Variants in SGSM1 observed in about 807,000 individuals in gnomAD.
SGSM1 encodes small G protein signaling modulator 1.
In SGSM1, 73 loss-of-function variants were observed where a neutral mutation model predicts 133.8. The observed-to-expected ratio is 0.55, with a 90% CI of 0.45 to 0.66. SGSM1 has a LOEUF of 0.66. Among genes scored for constraint, SGSM1 ranks in the 30% least tolerant of loss-of-function variants. The probability of loss-of-function intolerance (pLI) is 0.00; values close to 1 mark genes in which losing one functional copy is unlikely to be tolerated. For missense variants in SGSM1, 1,213 were observed against 1,448.1 expected (o/e 0.84, Z 2.64); for synonymous variants, 563 against 573.0 (o/e 0.98, Z 0.25).
At position 24,888,938 on chromosome 22, in the gene SGSM1, CTTTTTTT is replaced by C. The variant is rs1234715475; in HGVS notation, c.1770+2229_1770+2235del. ...TAATTTTAAATGTTTTCATAGTCACCTTTTTTTTTTTTTTTTTTTTTTTTTGAGACAG... is the reference window on the plus strand; with the variant it reads ...TAATTTTAAATGTTTTCATAGTCACCTTTTTTTTTTTTTTTTTTGAGACAG... On this transcript the variant is annotated intron_variant, in intron 16 of 24. Transcript: ENST00000400358. 7.9e-3 allele frequency among the ~76,000 whole-genome samples: 633 copies of C among 79,952 alleles called. 14 individuals are homozygous for C. In the East Asian group the frequency reaches 0.095, roughly 12 times the overall value. The allele number at this position is 79,952 out of a possible 152,430, so 52.5% of individuals were successfully genotyped here.
chr22:24,909,475 A>G (rs1180670053), intron 21 of SGSM1, among the ~76,000 whole-genome samples: 1 of 147,964 alleles, frequency 6.8e-6, no homozygotes, highest in African/African-American at 2.5e-5. Context: ...TATTATTTTC[A>G]GATGGAGTCT....
rs191833638 is a variant in SGSM1 at position 24,876,678 on chromosome 22, G to A, written c.1393G>A (p.Ala465Thr). ...SCSSCSQSGSADGSSTNGCNH... is the reference protein window; with the variant it reads ...SCSSCSQSGSTDGSSTNGCNH... ...TTCATCCTGTTCACAGAGTGGCTCG[G>A]CTGATGGTAGCTCGACCAATGGCTG... The change falls in exon 13 of 25, where the codon GCT (alanine) becomes ACT (threonine). Residue 465 changes from alanine (A) to threonine (T), a missense_variant. By Grantham distance (58) the Ala-to-Thr change is moderately conservative. Transcript: ENST00000400358. 458 of 1,613,942 alleles carry A rather than the reference G, an allele frequency of 2.8e-4. No individual in the cohort carries two copies. Among genetic ancestry groups the A allele is most frequent in the Non-Finnish European group, 3.5e-4 (418 of 1,179,878 alleles).
Position 24,806,263 on chromosome 22 carries a change from G to T in SGSM1, c.-63G>T. On this transcript the variant is annotated 5_prime_UTR_variant, in exon 1 of 25. Transcript: ENST00000400358. ...GGCTGCAGCAGCAGCGCCGCGGCCG[G>T]AGGAGCTACCGCCGCCACCGCCGCC... The T allele has an allele frequency of 7.3e-7, 1 of 1,371,576 alleles. No individual in the cohort carries two copies. The highest frequency in any genetic ancestry group is 9.4e-7 in the Non-Finnish European group (1 of 1,064,742). 85.0% of individuals were successfully genotyped at this position (1,371,576 alleles called of 1,614,324 possible).
chr22:24,841,328 A>T (rs1387318789), intron 2 of SGSM1, among the ~76,000 whole-genome samples: 1 of 152,048 alleles, frequency 6.6e-6, no homozygotes, highest in Non-Finnish European at 1.5e-5. Context: ...GCTTTGTATG[A>T]TCTCATTTTT....
intron 2 of SGSM1, among the ~76,000 whole-genome samples, chr22:24,840,671 A>G (rs1929739237): frequency 6.6e-6 from 1 of 151,824 alleles, no homozygotes; most frequent in African/African-American, 2.4e-5. Flanking sequence ...TCTTTCTGCT[A>G]GCTGTGGATT....
At chr22:24,867,493 G>T (rs1931525616) in intron 10 of SGSM1, among the ~76,000 whole-genome samples, 1 of 152,226 alleles carries the variant, frequency 6.6e-6, no homozygotes, top group Non-Finnish European at 1.5e-5. Flanking sequence ...GCACTCACAT[G>T]CCCGTTATTC....
chr22:24,845,963 T>TTCTTTCTC lies in SGSM1; in HGVS notation c.139+998_139+999insCTCTTTCT, dbSNP rs1175200454. ...TTCTTTTCTTTCTTTCTTTCTTTCT[T>TTCTTTCTC]TCTTTCTTTCTTTCTTTCTTTCTTT... On this transcript the variant is annotated intron_variant, in intron 3 of 24. Transcript: ENST00000400358. 4.9e-3 allele frequency among the ~76,000 whole-genome samples: 632 copies of TTCTTTCTC among 129,774 alleles called. 17 individuals carry two copies. Among genetic ancestry groups the TTCTTTCTC allele is most frequent in the African/African-American group, 0.016 (599 of 37,442 alleles). The allele number at this position is 129,774 out of a possible 152,430, so 85.1% of individuals were successfully genotyped here.
chr22:24,828,234 T>C (rs1346585102), intron 2 of SGSM1, among the ~76,000 whole-genome samples: 5 of 152,114 alleles, frequency 3.3e-5, no homozygotes, highest in Admixed American at 6.5e-5. Context: ...CAGAGAGGCC[T>C]AGGTTCGAGT....
intron 2 of SGSM1, among the ~76,000 whole-genome samples, chr22:24,808,173 GCA>G (rs1927527840): frequency 6.7e-6 from 1 of 150,324 alleles, no homozygotes. Context: ...GAGTACAGTG[GCA>G]CAGTCTCCAC....
At chr22:24,908,322 C>A (rs1248251436) in intron 21 of SGSM1, among the ~76,000 whole-genome samples, 1 of 133,472 alleles carries the variant, frequency 7.5e-6, no homozygotes, top group East Asian at 3.0e-4. Context: ...AGATATGACA[C>A]CAAAAACATA....
At chr22:24,905,815 AAAG>A (rs1338545720) in intron 21 of SGSM1, among the ~76,000 whole-genome samples, 2 of 151,814 alleles carry the variant, frequency 1.3e-5, no homozygotes, top group Non-Finnish European at 2.9e-5. Context: ...GAAAAGAAGA[AAAG>A]AAGGATTAAT....
intron 2 of SGSM1, among the ~76,000 whole-genome samples, chr22:24,838,928 G>T (rs957030282): frequency 2.1e-5 from 1 of 47,102 alleles, no homozygotes; most frequent in African/African-American, 1.3e-4. Context: ...TTATGTTTCT[G>T]CAAAAAAAAA....
At chr22:24,879,426 T>C (rs737769) in intron 13 of SGSM1, 36 bp from the exon 14 acceptor site, 186,050 of 1,607,126 alleles carry the variant, frequency 0.12, 11,997 homozygotes, top group South Asian at 0.24. Flanking sequence ...TGTGTTTGGA[T>C]CTATTCTAAG....
At position 24,857,258 on chromosome 22, in the gene SGSM1, A is replaced by T. The variant is rs900879919; in HGVS notation, c.801+1578A>T. Among the ~76,000 whole-genome samples, 6 of 151,714 alleles carry T rather than the reference A, an allele frequency of 4.0e-5. No homozygotes were observed. In the South Asian group the frequency reaches 8.3e-4, roughly 21 times the overall value. On this transcript the variant is annotated intron_variant, in intron 8 of 24. Coordinates refer to ENST00000400358, the MANE Select transcript of SGSM1 (RefSeq NM_001098497.3). ...CTCTACTAAAAATACAAAAAAAAAA[A>T]AAAATAGCCAGGCATGGTGGCATGT... is the stretch of plus-strand genomic sequence containing the variant.
At chr22:24,846,009 C>CTTTT (rs1369981718) in intron 3 of SGSM1, among the ~76,000 whole-genome samples, 1 of 108,232 alleles carries the variant, frequency 9.2e-6, no homozygotes, top group African/African-American at 3.6e-5. Context: ...TTCTTTCTTT[C>CTTTT]TTCATTTCTT....
intron 2 of SGSM1, among the ~76,000 whole-genome samples, chr22:24,818,581 G>C (rs1928262938): frequency 1.3e-5 from 2 of 151,646 alleles, no homozygotes; most frequent in Admixed American, 1.3e-4. Context: ...TGGTCAGGCT[G>C]GTCTTGAACT....
chr22:24,836,281 TTTCC>T (rs1275972468), intron 2 of SGSM1, among the ~76,000 whole-genome samples: 1 of 152,224 alleles, frequency 6.6e-6, no homozygotes, highest in African/African-American at 2.4e-5. Flanking sequence ...TGTGTCAGAA[TTTCC>T]TTCCTTTTTA....
chr22:24,909,125 CCTT>C (rs1349943058), intron 21 of SGSM1, among the ~76,000 whole-genome samples: 1 of 152,124 alleles, frequency 6.6e-6, no homozygotes, highest in East Asian at 1.9e-4. Flanking sequence ...GTTGTGCACT[CCTT>C]CTGAATATCT....
intron 8 of SGSM1, among the ~76,000 whole-genome samples, chr22:24,857,407 C>CA (rs35981293): frequency 0.88 from 105,559 of 120,408 alleles, 46,492 homozygotes; most frequent in Non-Finnish European, 0.92. Context: ...GACTCTGTCT[C>CA]AAAAAAAAAA....
Sources: gnomAD v4.1 joint callset for allele counts (sites outside exome capture counted in the v4.1 genomes callset) on GRCh38, gnomAD v4.1.1 for gene constraint, MANE v1.5 for transcripts, NCBI Gene and HGNC (gene_info 2026-07-23, HGNC 2026-07-21) for gene names.